The following CTCFL variants were observed in gnomAD, a reference collection of about 807,000 sequenced individuals.
The protein encoded by CTCFL is transcriptional repressor CTCFL.
CTCFL carries 36 observed loss-of-function variants against 67.4 expected under a neutral mutation model. The observed-to-expected ratio is 0.53, with a 90% CI of 0.41 to 0.71. The LOEUF is 0.71. Among genes scored for constraint, CTCFL ranks in the 30% least tolerant of loss-of-function variants. CTCFL has a pLI of 0.00. For synonymous variants in CTCFL, 324 were observed against 302.3 expected (o/e 1.07, Z -0.75); for missense variants, 786 against 835.2 (o/e 0.94, Z 0.73).
chr20:57,507,775 G>C, intron 9 of CTCFL: 1 of 703,030 alleles, frequency 1.4e-6, no homozygotes, highest in Non-Finnish European at 2.6e-6. Context: ...CCACTTCCGA[G>C]TTCCCAACCC....
At position 57,514,691 on chromosome 20, in the gene CTCFL, C is replaced by T. The variant is rs1191968771; in HGVS notation, c.1231G>A (p.Gly411Arg). 6 of 1,614,178 alleles carry T rather than the reference C, an allele frequency of 3.7e-6. No individual in the cohort carries two copies. The highest frequency in any genetic ancestry group is 3.4e-6 in the Non-Finnish European group (4 of 1,180,036). ...HICHTRFTQS[G>R]TMKIHILQKH... ...TGCAGAATATGTATTTTCATGGTCC[C>T]GCTCTGGGTGAAGCGGGTGTGGCAG... is the stretch of plus-strand genomic sequence containing the variant. The change falls in exon 7 of 11, where the codon GGG (glycine) becomes AGG (arginine). Residue 411 changes from glycine to arginine, a missense_variant. Gly to Arg is a moderately radical substitution (Grantham distance 125). Coordinates refer to ENST00000243914, the MANE Select transcript of CTCFL (RefSeq NM_001386993.1).
intron 7 of CTCFL, chr20:57,513,968 C>T: frequency 8.9e-7 from 1 of 1,119,796 alleles, no homozygotes; most frequent in Non-Finnish European, 1.2e-6. Flanking sequence ...TATCAAATCC[C>T]AGCTCCTAGG....
chr20:57,508,900 A>C (rs2068376435), intron 8 of CTCFL, 112 bp from the exon 9 acceptor site: 2 of 940,440 alleles, frequency 2.1e-6, no homozygotes, highest in Admixed American at 5.4e-5. Flanking sequence ...TGAGTCCACT[A>C]TTAAGCAGAA....
At chr20:57,521,469 CAA>C (rs2069356872) in intron 3 of CTCFL, among the ~76,000 whole-genome samples, 1 of 152,228 alleles carries the variant, frequency 6.6e-6, no homozygotes, top group Admixed American at 6.5e-5. Context: ...ACTGCTGGTG[CAA>C]ATTCAAATTG....
chr20:57,497,636 A>T lies in CTCFL; in HGVS notation c.*914T>A. 1.0e-6 allele frequency: 1 copy of T among 980,110 alleles called. No homozygotes were observed. 60.7% of individuals were successfully genotyped at this position (980,110 alleles called of 1,614,324 possible). ...AACTGGCAAAAGGGAAATACTCACTAATCACTGGGCATTATGAAAAAGTAC... is the reference window on the plus strand; with the variant it reads ...AACTGGCAAAAGGGAAATACTCACTTATCACTGGGCATTATGAAAAAGTAC... On this transcript the variant is annotated 3_prime_UTR_variant, in exon 11 of 11. Transcript: ENST00000243914.
At position 57,523,116 on chromosome 20, in the gene CTCFL, C is replaced by G; in HGVS notation, c.706G>C (p.Ala236Pro). ...GTAGATTTGGCCTTTTCAGCATCTGCTTGACCAGCTGTAGGTTGATCCTCT... is the reference window on the plus strand; with the variant it reads ...GTAGATTTGGCCTTTTCAGCATCTGGTTGACCAGCTGTAGGTTGATCCTCT... ...EQEDQPTAGQ[A>P]DAEKAKSTKN... The change falls in exon 3 of 11, where the codon GCA (alanine) becomes CCA (proline). Residue 236 changes from alanine to proline, a missense_variant. Ala to Pro is a conservative substitution (Grantham distance 27, BLOSUM62 -1). This residue lies in a region of CTCFL where 333 missense variants were observed against 304.6 expected (regional missense o/e 1.09). Transcript: ENST00000243914. 6.2e-7 allele frequency: 1 copy of G among 1,613,926 alleles called. No individual in the cohort carries two copies. The highest frequency in any genetic ancestry group is 8.5e-7 in the Non-Finnish European group (1 of 1,179,994).
At chr20:57,516,844 G>C (rs1257163129) in intron 5 of CTCFL, among the ~76,000 whole-genome samples, 2 of 152,240 alleles carry the variant, frequency 1.3e-5, no homozygotes, top group Non-Finnish European at 2.9e-5. Flanking sequence ...CTGACTCGTT[G>C]ATTGCCTTCT....
At chr20:57,513,497 G>A (rs1217670495) in intron 7 of CTCFL, 4 of 1,003,274 alleles carry the variant, frequency 4.0e-6, no homozygotes, top group African/African-American at 3.5e-5. Flanking sequence ...TGTTTATAAA[G>A]CATCTTATAG....
intron 9 of CTCFL, chr20:57,506,676 A>G (rs1036464007): frequency 1.8e-5 from 8 of 437,936 alleles, no homozygotes; most frequent in Non-Finnish European, 2.4e-5. Context: ...TATTTTAGAC[A>G]CAAGTCCAAA....
intron 5 of CTCFL, among the ~76,000 whole-genome samples, chr20:57,518,331 C>T (rs1023434342): frequency 3.3e-5 from 5 of 152,196 alleles, no homozygotes; most frequent in African/African-American, 1.2e-4. Context: ...AAAACAGAAA[C>T]GTCTACGCTT....
chr20:57,523,837 C>T lies in CTCFL; in HGVS notation c.369G>A (p.Glu123=). 6.2e-7 allele frequency: 1 copy of T among 1,613,166 alleles called. No homozygotes were observed. The highest frequency in any genetic ancestry group is 8.5e-7 in the Non-Finnish European group (1 of 1,180,048). ...QQPGPGLLWL[E]EGPRQSLQQC... The stretch of plus-strand genomic sequence containing the variant: ...GCTGCAGGCTCTGCCGGGGCCCTTC[C>T]TCAAGCCACAGCAACCCAGGGCCAG... Residue 123 remains glutamate (E), a synonymous_variant, in exon 2 of 11, where the codon GAG becomes GAA. Transcript: ENST00000243914.
chr20:57,524,746 AC>A (rs1212911912), intron 1 of CTCFL: 2 of 987,502 alleles, frequency 2.0e-6, no homozygotes, highest in Non-Finnish European at 2.4e-6. Flanking sequence ...TAGACCTAGC[AC>A]CCTCAGAGCC....
intron 3 of CTCFL, 58 bp downstream of exon 3, chr20:57,523,010 T>C: frequency 1.5e-6 from 2 of 1,372,946 alleles, no homozygotes; most frequent in Non-Finnish European, 2.0e-6. Flanking sequence ...CACCTGCCCA[T>C]AAAGAAAAAC....
chr20:57,517,020 G>A (rs534306764), intron 5 of CTCFL, among the ~76,000 whole-genome samples: 4 of 152,230 alleles, frequency 2.6e-5, no homozygotes, highest in South Asian at 4.1e-4. Context: ...AGTGATGAGC[G>A]CACAGAAGCC....
Position 57,518,838 on chromosome 20 carries a change from C to G in CTCFL, c.979G>C (p.Glu327Gln), listed in dbSNP as rs1326463953. Reference sequence around the variant, plus strand: ...TTATAGCGCCTGTGTCGGACGAGTTCTCCACTGGTGACAAATGCCATGTTG... The same window carrying G: ...TTATAGCGCCTGTGTCGGACGAGTTGTCCACTGGTGACAAATGCCATGTTG... ...DCNMAFVTSG[E>Q]LVRHRRYKHT... is the part of the protein sequence containing the mutation. The change falls in exon 5 of 11, where the codon GAA becomes CAA. Residue 327 changes from glutamate to glutamine, a missense_variant. Physicochemically the swap from Glu to Gln is conservative, Grantham distance 29. Around this residue, in one of 3 missense-constraint regions of CTCFL, gnomAD observed 254 missense variants for 333.9 expected, o/e 0.76. Transcript: ENST00000243914. The G allele has an allele frequency of 1.9e-6, 3 of 1,614,012 alleles. No individual in the cohort carries two copies. The highest frequency in any genetic ancestry group is 2.5e-6 in the Non-Finnish European group (3 of 1,180,046).
Position 57,498,721 on chromosome 20 carries a change from T to A in CTCFL, c.1841-20A>T. On this transcript the variant is annotated intron_variant, in intron 10 of 10. Coordinates refer to ENST00000243914, the MANE Select transcript of CTCFL (RefSeq NM_001386993.1). ...CAGCTTCTTGAGAAAAAGTCCAGGA[T>A]GAGCAAATTTATCAGAAAGCTAAGG... 2 of 1,593,704 alleles carry A rather than the reference T, an allele frequency of 1.3e-6. No homozygotes were observed. The highest frequency in any genetic ancestry group is 1.7e-6 in the Non-Finnish European group (2 of 1,168,598).
chr20:57,513,733 C>A (rs899001719), intron 7 of CTCFL: 1 of 1,212,094 alleles, frequency 8.3e-7, no homozygotes, highest in Non-Finnish European at 1.0e-6. Flanking sequence ...GAAAGGTTTT[C>A]AAAAAAATTC....
At chr20:57,511,748 C>A (rs539955143) in intron 8 of CTCFL, among the ~76,000 whole-genome samples, 5 of 152,050 alleles carry the variant, frequency 3.3e-5, no homozygotes, top group African/African-American at 1.2e-4. Context: ...TGTGCCACCA[C>A]GCCCAACTAA....
intron 8 of CTCFL, 57 bp downstream of exon 8, chr20:57,512,535 C>T (rs974195536): frequency 6.4e-7 from 1 of 1,555,158 alleles, no homozygotes; most frequent in Non-Finnish European, 8.8e-7. Flanking sequence ...AGAATCCCAC[C>T]CAGCCCTCCA....
Sources: gnomAD v4.1 joint callset for allele counts (sites outside exome capture counted in the v4.1 genomes callset) on GRCh38, gnomAD v4.1.1 for gene constraint, gnomAD v4.1.1 regional missense constraint, MANE v1.5 for transcripts, NCBI Gene and HGNC (gene_info 2026-07-23, HGNC 2026-07-21) for gene names.